The following FNBP4 variants were observed in gnomAD, a reference collection of about 807,000 sequenced individuals.
FNBP4 encodes formin-binding protein 4.
Under a neutral mutation model 119.3 loss-of-function variants are expected in FNBP4, and 34 were observed. The observed-to-expected ratio is 0.28, with a 90% CI of 0.22 to 0.38. The LOEUF (loss-of-function observed/expected upper bound fraction) is 0.38, where lower values mean the gene tolerates loss of function less well. FNBP4 is among the 10% of genes least tolerant of loss of function. The pLI is 1.00. For synonymous variants in FNBP4, 462 were observed against 430.6 expected (o/e 1.07, Z -0.90); for missense variants, 1,112 against 1,228.9 (o/e 0.90, Z 1.42).
At position 47,723,036 on chromosome 11, in the gene FNBP4, T is replaced by TGGA. The variant is rs759110657; in HGVS notation, c.2742_2744dup (p.Pro918dup). On this transcript the variant is annotated inframe_insertion, in exon 15 of 17. Coordinates refer to ENST00000263773, the MANE Select transcript of FNBP4 (RefSeq NM_015308.5). ...GTGGCATTTTGGGAGCTGGTGGTGG[T>TGGA]GGAGGAGGAGGAGGAGGAGGTGGTG... 4.1e-4 allele frequency: 644 copies of TGGA among 1,566,778 alleles called. 3 individuals carry two copies. In the South Asian group the frequency reaches 5.9e-3, roughly 14 times the overall value.
In FNBP4 at chr11:47,723,127, G is replaced by A. The variant is rs1429108434; in HGVS notation, c.2654C>T (p.Ala885Val). 3 of 1,614,050 alleles carry A rather than the reference G, an allele frequency of 1.9e-6. No homozygotes were observed. The highest frequency in any genetic ancestry group is 2.5e-6 in the Non-Finnish European group (3 of 1,180,020). Reference sequence around the variant, plus strand: ...GGCCTGAACTGGCTGCAATGAGGGAGCAGTCACTCCAATTGGGACAGAACA... The same window carrying A: ...GGCCTGAACTGGCTGCAATGAGGGAACAGTCACTCCAATTGGGACAGAACA... ...AECSVPIGVT[A>V]PSLQPVQARG... Residue 885 changes from alanine to valine, a missense_variant, in exon 15 of 17, where the codon GCT becomes GTT. Coordinates refer to ENST00000263773, the MANE Select transcript of FNBP4 (RefSeq NM_015308.5).
chr11:47,738,423 G>T (rs964935099), intron 8 of FNBP4, among the ~76,000 whole-genome samples: 5 of 151,968 alleles, frequency 3.3e-5, no homozygotes, highest in Non-Finnish European at 7.4e-5. Context: ...AAATTAGCTG[G>T]GTGTGGTGCT....
At chr11:47,720,585 T>A (rs972951396) in intron 15 of FNBP4, among the ~76,000 whole-genome samples, 5 of 150,854 alleles carry the variant, frequency 3.3e-5, no homozygotes, top group African/African-American at 1.2e-4. Flanking sequence ...AATAAATAAA[T>A]AAATAAATAA....
chr11:47,756,615 A>G (rs189659042), intron 2 of FNBP4, among the ~76,000 whole-genome samples: 7 of 152,214 alleles, frequency 4.6e-5, no homozygotes, highest in African/African-American at 1.7e-4. Context: ...TTACATATGT[A>G]TACATGTACT....
chr11:47,732,587 TTTTAGTTG>T lies in FNBP4; in HGVS notation c.1762_1769del (p.Gln588ThrfsTer3). 6.2e-7 allele frequency: 1 copy of T among 1,614,168 alleles called. No homozygotes were observed. ...TAGGAGTGGCGTTTATTTCATACTG[TTTTAGTTG>T]TTCTGCTGCATCCTGAAGTTTTCGT... is the stretch of plus-strand genomic sequence containing the variant. On this transcript the variant is annotated frameshift_variant, in exon 11 of 17. Coordinates refer to ENST00000263773, the MANE Select transcript of FNBP4 (RefSeq NM_015308.5). LOFTEE classifies it high-confidence loss of function. The surrounding 1 kb of genome is among the most constrained non-coding windows in gnomAD (Gnocchi z 4.2).
intron 6 of FNBP4, among the ~76,000 whole-genome samples, chr11:47,748,876 AC>A (rs898765357): frequency 2.6e-5 from 4 of 151,966 alleles, no homozygotes; most frequent in African/African-American, 9.7e-5. Flanking sequence ...TGAACTCCTA[AC>A]CTCAAGTGAT....
chr11:47,767,241 T>C lies in FNBP4; in HGVS notation c.48A>G (p.Gln16=), dbSNP rs1191697115. 1 of 1,566,260 alleles carries C rather than the reference T, an allele frequency of 6.4e-7. No individual in the cohort carries two copies. Among genetic ancestry groups the C allele is most frequent in the Non-Finnish European group, 8.6e-7 (1 of 1,163,882 alleles). ...TGCCCCGAGGACCCGGCGGAGAGAG[T>C]TGCAGGATGGGCCTACGGCCGGGTA... ...RAVPGRRPIL[Q]LSPPGPRGST... is the part of the protein sequence containing the mutation. Residue 16 remains glutamine, a synonymous_variant, in exon 1 of 17, where the codon CAA becomes CAG. Coordinates refer to ENST00000263773, the MANE Select transcript of FNBP4 (RefSeq NM_015308.5).
Position 47,717,307 on chromosome 11 carries a change from A to C in FNBP4, c.*115T>G. The C allele has an allele frequency of 1.4e-6, 1 of 703,224 alleles. No homozygotes were observed. Among genetic ancestry groups the C allele is most frequent in the East Asian group, 2.7e-5 (1 of 36,450 alleles). The allele number at this position is 703,224 out of a possible 1,614,324, so 43.6% of individuals were successfully genotyped here. On this transcript the variant is annotated 3_prime_UTR_variant, in exon 17 of 17. Coordinates refer to ENST00000263773, the MANE Select transcript of FNBP4 (RefSeq NM_015308.5). ...TGTATGCATACACTCTTGCCCAGGAAATTTATAAGATCTCCCCCATAACAT... is the reference window on the plus strand; with the variant it reads ...TGTATGCATACACTCTTGCCCAGGACATTTATAAGATCTCCCCCATAACAT...
At chr11:47,765,996 T>C (rs960747566) in intron 1 of FNBP4, among the ~76,000 whole-genome samples, 31 of 151,840 alleles carry the variant, frequency 2.0e-4, no homozygotes, top group Admixed American at 2.0e-3. Context: ...GTCTTTCATC[T>C]GCTTACAAAC....
chr11:47,732,676 A>C lies in FNBP4; in HGVS notation c.1687-6T>G. The C allele has an allele frequency of 6.2e-7, 1 of 1,613,840 alleles. No homozygotes were observed. The highest frequency in any genetic ancestry group is 8.5e-7 in the Non-Finnish European group (1 of 1,179,680). The stretch of plus-strand genomic sequence containing the variant: ...CGCCAGTCTGCAATTCGAGTCTAGA[A>C]TAAACAGACAAATAAGTTAAAGACT... On this transcript the variant is annotated splice_region_variant and splice_polypyrimidine_tract_variant and intron_variant, in intron 10 of 16. Coordinates refer to ENST00000263773, the MANE Select transcript of FNBP4 (RefSeq NM_015308.5). The surrounding 1 kb of genome is among the most constrained non-coding windows in gnomAD (Gnocchi z 4.2).
At chr11:47,733,184 C>T (rs966620333) in intron 10 of FNBP4, among the ~76,000 whole-genome samples, 7 of 152,206 alleles carry the variant, frequency 4.6e-5, no homozygotes, top group African/African-American at 1.4e-4. Context: ...TATTTTAACA[C>T]TACCAACTCT....
Position 47,723,292 on chromosome 11 carries a change from T to C in FNBP4, c.2489A>G (p.Asn830Ser). 1 of 1,611,084 alleles carries C rather than the reference T, an allele frequency of 6.2e-7. No individual in the cohort carries two copies. Among genetic ancestry groups the C allele is most frequent in the Non-Finnish European group, 8.5e-7 (1 of 1,177,578 alleles). ...CTGATGTCCAATTCCTGTTGCCTGG[T>C]TTCCAATCCCTGCTGCCTGGTGACC... ...ATGHQAAGIG[N>S]QATGIGHQTI... The change falls in exon 15 of 17, where the codon AAC becomes AGC. Residue 830 changes from asparagine to serine, a missense_variant. By Grantham distance (46) the Asn-to-Ser change is conservative. Coordinates refer to ENST00000263773, the MANE Select transcript of FNBP4 (RefSeq NM_015308.5).
chr11:47,732,756 G>T lies in FNBP4; in HGVS notation c.1687-86C>A. 7.9e-7 allele frequency: 1 copy of T among 1,264,788 alleles called. No individual in the cohort carries two copies. Among genetic ancestry groups the T allele is most frequent in the Non-Finnish European group, 1.1e-6 (1 of 873,470 alleles). 78.3% of individuals were successfully genotyped at this position (1,264,788 alleles called of 1,614,324 possible). Reference sequence around the variant, plus strand: ...AGGGGATATAAACCTTCTGCTCCAAGACTATATCCCTGTGCTCTGGCAGGA... The same window carrying T: ...AGGGGATATAAACCTTCTGCTCCAATACTATATCCCTGTGCTCTGGCAGGA... On this transcript the variant is annotated intron_variant, in intron 10 of 16. Transcript: ENST00000263773. The surrounding 1 kb of genome is among the most constrained non-coding windows in gnomAD (Gnocchi z 4.2).
chr11:47,745,745 C>T lies in FNBP4; in HGVS notation c.1245+311G>A, dbSNP rs111672546. ...TCCTACCGATATGTGATGTCACCCC[C>T]GGCGGCCCAGCTGTAAAATTCCTCT... On this transcript the variant is annotated intron_variant, in intron 7 of 16. Coordinates refer to ENST00000263773, the MANE Select transcript of FNBP4 (RefSeq NM_015308.5). Among the ~76,000 whole-genome samples the T allele has an allele frequency of 7.2e-5, 11 of 152,186 alleles. No individual in the cohort carries two copies. In the East Asian group the frequency reaches 1.7e-3, roughly 24 times the overall value.
intron 6 of FNBP4, among the ~76,000 whole-genome samples, chr11:47,750,688 C>CAAAAAAAAAAAAAAAAAAAAAAAAAAA (rs67153479): frequency 4.4e-5 from 3 of 68,064 alleles, no homozygotes; most frequent in African/African-American, 1.3e-4. Flanking sequence ...GACTCTGTCT[C>CAAAAAAAAAAAAAAAAAAAAAAAAAAA]AAAAAAAAAA....
At chr11:47,755,609 C>T (rs964087222) in intron 2 of FNBP4, among the ~76,000 whole-genome samples, 2 of 149,420 alleles carry the variant, frequency 1.3e-5, no homozygotes, top group African/African-American at 4.9e-5. Context: ...CATAGTGAGA[C>T]CTTGTCTATC....
rs2097550791 is a variant in FNBP4, at chr11:47,717,103, G to C, written c.*319C>G. The C allele has an allele frequency of 1.0e-5, 2 of 191,272 alleles. No individual in the cohort carries two copies. The highest frequency in any genetic ancestry group is 4.7e-5 in the African/African-American group (2 of 42,824). The allele number at this position is 191,272 out of a possible 1,614,324, so 11.8% of individuals were successfully genotyped here. On this transcript the variant is annotated 3_prime_UTR_variant, in exon 17 of 17. Transcript: ENST00000263773. ...AAGTTAATTCTTCACTTTTGTCAGG[G>C]AGTCCTCTACAGAAGTGTTATACTC...
At chr11:47,750,704 A>G (rs2097600993) in intron 6 of FNBP4, among the ~76,000 whole-genome samples, 1 of 149,150 alleles carries the variant, frequency 6.7e-6, no homozygotes, top group African/African-American at 2.5e-5. Flanking sequence ...AAAAAAAAAA[A>G]AAAAAAAAAA....
chr11:47,723,619 T>C (rs2097558094), intron 14 of FNBP4, among the ~76,000 whole-genome samples: 2 of 152,140 alleles, frequency 1.3e-5, no homozygotes, highest in Non-Finnish European at 1.5e-5. Flanking sequence ...GGATGAAGTA[T>C]AGCAGTGTGA....
Sources: gnomAD v4.1 joint callset for allele counts (sites outside exome capture counted in the v4.1 genomes callset) on GRCh38, gnomAD v4.1.1 for gene constraint, Gnocchi (gnomAD v3.1) non-coding constraint, MANE v1.5 for transcripts, NCBI Gene and HGNC (gene_info 2026-07-23, HGNC 2026-07-21) for gene names.